Variants in AOPEP observed in about 807,000 individuals in gnomAD.
The protein encoded by AOPEP is aminopeptidase O.
AOPEP carries 77 observed loss-of-function variants against 98.1 expected under a neutral mutation model. The observed-to-expected ratio is 0.78, with a 90% CI of 0.65 to 0.95. The LOEUF is 0.95. Among genes scored for constraint, AOPEP ranks in the 40% least tolerant of loss-of-function variants. The pLI is 0.00. For synonymous variants in AOPEP, 346 were observed against 365.3 expected, an observed-to-expected ratio of 0.95 and a Z score of 0.60; for missense variants, 1,024 against 1,024.7, an observed-to-expected ratio of 1.00 and a Z score of 0.01.
chr9:95,101,985 C>T, the AOPEP span: 1 of 999,956 alleles, frequency 1.0e-6, no homozygotes, highest in African/African-American at 1.6e-5. Flanking sequence ...CAAAGTAAAG[C>T]ATCAGGGGCT....
chr9:94,792,627 G>A, intron 3 of AOPEP, 138 bp from the exon 4 acceptor site: 2 of 739,642 alleles, frequency 2.7e-6, no homozygotes, highest in Non-Finnish European at 4.2e-6. Flanking sequence ...TGCCCTTTCT[G>A]CTGACGTGAC....
rs551890336 is a variant in AOPEP at position 94,889,183 on chromosome 9, G to A, written c.1365-34803G>A. On this transcript the variant is annotated intron_variant, in intron 5 of 16. Transcript: ENST00000375315. ...TAATTTTTGTATTTTTAGTAGAGATGGGGTTTCACCATGTTGGCCAGGCTG... is the reference window on the plus strand; with the variant it reads ...TAATTTTTGTATTTTTAGTAGAGATAGGGTTTCACCATGTTGGCCAGGCTG... Among the ~76,000 whole-genome samples, 291 of 152,174 alleles carry A rather than the reference G, an allele frequency of 1.9e-3. 1 individual carries two copies. Among genetic ancestry groups the A allele is most frequent in the African/African-American group, 6.6e-3 (273 of 41,526 alleles).
intron 5 of AOPEP, among the ~76,000 whole-genome samples, chr9:94,826,921 C>T (rs1351671623): frequency 6.6e-6 from 1 of 152,168 alleles, no homozygotes; most frequent in South Asian, 2.1e-4. Context: ...AGTCATTGTT[C>T]ATCTTTGCAG....
At chr9:95,082,155 A>C (rs2069877698) in intron 15 of AOPEP, among the ~76,000 whole-genome samples, 1 of 151,990 alleles carries the variant, frequency 6.6e-6, no homozygotes, top group Non-Finnish European at 1.5e-5. Flanking sequence ...TTCCCGGATG[A>C]GCTCAGACCA....
intron 7 of AOPEP, among the ~76,000 whole-genome samples, chr9:94,936,182 A>C (rs2056244128): frequency 6.6e-6 from 1 of 151,872 alleles, no homozygotes. Context: ...TCCTTAAAAC[A>C]CCTCATGGTT....
chr9:95,043,886 G>A (rs1171517057), intron 13 of AOPEP, among the ~76,000 whole-genome samples: 1 of 152,128 alleles, frequency 6.6e-6, no homozygotes, highest in East Asian at 1.9e-4. Flanking sequence ...TCAAACTCGT[G>A]GGCCCACATG....
At chr9:95,111,653 A>C in the AOPEP span, 14 of 1,613,998 alleles carry the variant, frequency 8.7e-6, no homozygotes, top group Middle Eastern at 1.6e-4. Context: ...ACAGAGGCAG[A>C]ACACATGGCA....
At chr9:95,063,230 C>T (rs2067488059) in intron 14 of AOPEP, among the ~76,000 whole-genome samples, 1 of 152,236 alleles carries the variant, frequency 6.6e-6, no homozygotes, top group Admixed American at 6.5e-5. Flanking sequence ...TGACAGCTAA[C>T]TCTGGGAACA....
At chr9:95,013,904 A>G (rs907636800) in intron 13 of AOPEP, among the ~76,000 whole-genome samples, 3 of 152,056 alleles carry the variant, frequency 2.0e-5, no homozygotes, top group East Asian at 3.9e-4. Context: ...TTTTCTATAC[A>G]TTCCAATAAT....
chr9:95,030,597 A>C (rs2064210998), intron 13 of AOPEP, among the ~76,000 whole-genome samples: 1 of 152,176 alleles, frequency 6.6e-6, no homozygotes, highest in African/African-American at 2.4e-5. Context: ...AGGTTTGTGC[A>C]TTCGTCCTTT....
chr9:94,751,177 C>T (rs1381763013), intron 1 of AOPEP, among the ~76,000 whole-genome samples: 1 of 152,180 alleles, frequency 6.6e-6, no homozygotes, highest in East Asian at 1.9e-4. Context: ...ATGCCATTCC[C>T]TTCTTCCACG....
intron 11 of AOPEP, among the ~76,000 whole-genome samples, chr9:94,990,287 A>T (rs1213433968): frequency 1.3e-5 from 2 of 152,182 alleles, no homozygotes; most frequent in African/African-American, 4.8e-5. Flanking sequence ...ATTTGGACAC[A>T]TGGGCAGTAC....
rs1225138131 is a variant in AOPEP at position 94,834,584 on chromosome 9, G to A, written c.1364+33582G>A. ...GAGGCAGGTGAATCGCTTGAGGCCA[G>A]TAGTTCCAGATCATTGTGGGTAACA... On this transcript the variant is annotated intron_variant, in intron 5 of 16. Transcript: ENST00000375315. Among the ~76,000 whole-genome samples the A allele has an allele frequency of 2.0e-5, 3 of 152,302 alleles. No homozygotes were observed. In the East Asian group the frequency reaches 5.8e-4, roughly 29 times the overall value.
intron 5 of AOPEP, among the ~76,000 whole-genome samples, chr9:94,833,636 C>T (rs1020754314): frequency 6.6e-6 from 1 of 152,084 alleles, no homozygotes; most frequent in African/African-American, 2.4e-5. Flanking sequence ...TCTACTGGGA[C>T]AATTTGAGCA....
In AOPEP at chr9:94,924,057, A is replaced by AT. The variant is rs2053975004; in HGVS notation, c.1437dup (p.Glu480Ter). On this transcript the variant is annotated frameshift_variant, in exon 6 of 17. Coordinates refer to ENST00000375315, the MANE Select transcript of AOPEP (RefSeq NM_001193329.3). LOFTEE classifies it high-confidence loss of function. The stretch of plus-strand genomic sequence containing the variant: ...CATCTCTGTGGGACCCGCCTCTGCC[A>AT]TGAAATTGCCCATGCCTGGTTTGGC... The AT allele has an allele frequency of 6.6e-7, 1 of 1,526,432 alleles. No homozygotes were observed. The highest frequency in any genetic ancestry group is 8.8e-7 in the Non-Finnish European group (1 of 1,134,504). The allele number at this position is 1,526,432 out of a possible 1,614,324, so 94.6% of individuals were successfully genotyped here. A position where few individuals can be genotyped will look rare whatever the true frequency, so the allele number is the denominator to read the frequency against.
At chr9:95,131,045 C>T in the AOPEP span, among the ~76,000 whole-genome samples, 6 of 152,128 alleles carry the variant, frequency 3.9e-5, no homozygotes, top group Non-Finnish European at 8.8e-5. Context: ...AATTTGAGCT[C>T]GGAAAAATTA....
rs150767688 is a variant in AOPEP, at chr9:95,006,026, TAGAG to T, written c.2115+416_2115+419del. 4,374 of 475,114 alleles carry T rather than the reference TAGAG, an allele frequency of 9.2e-3. 153 individuals carry two copies. Among genetic ancestry groups the T allele is most frequent in the African/African-American group, 0.073 (3,687 of 50,332 alleles). 29.4% of individuals were successfully genotyped at this position (475,114 alleles called of 1,614,324 possible). ...CTTTAAATTGGAGTCATCTAAGAAA[TAGAG>T]AGAGAAGAAGAAAGAAGTGGATTAC... On this transcript the variant is annotated intron_variant, in intron 13 of 16. Coordinates refer to ENST00000375315, the MANE Select transcript of AOPEP (RefSeq NM_001193329.3).
the AOPEP span, among the ~76,000 whole-genome samples, chr9:95,139,017 CTT>C: frequency 1.6e-4 from 25 of 152,204 alleles, no homozygotes; most frequent in African/African-American, 6.0e-4. Flanking sequence ...TGACTTAACT[CTT>C]TGTAATCACC....
intron 3 of AOPEP, 42 bp downstream of exon 3, chr9:94,773,210 A>G (rs1437848055): frequency 6.5e-7 from 1 of 1,538,266 alleles, no homozygotes; most frequent in Non-Finnish European, 8.9e-7. Flanking sequence ...TATTGCACAC[A>G]TGTGGACCCA....
Sources: gnomAD v4.1 joint callset for allele counts (sites outside exome capture counted in the v4.1 genomes callset) on GRCh38, gnomAD v4.1.1 for gene constraint, MANE v1.5 for transcripts, NCBI Gene and HGNC (gene_info 2026-07-23, HGNC 2026-07-21) for gene names.